The following TOR1B variants were observed in gnomAD, a reference collection of about 807,000 sequenced individuals.
TOR1B encodes torsin family 1 member B.
Under a neutral mutation model 29.2 loss-of-function variants are expected in TOR1B, and 14 were observed. That is an observed-to-expected ratio of 0.48 (90% CI 0.32 to 0.75). The LOEUF (loss-of-function observed/expected upper bound fraction) is 0.75. TOR1B is among the 30% of genes least tolerant of loss of function. The pLI, the probability that TOR1B is intolerant of heterozygous loss-of-function variation, is 0.04. For synonymous variants in TOR1B, 166 were observed against 179.8 expected, an observed-to-expected ratio of 0.92 and a Z score of 0.62; for missense variants, 400 against 433.9, an observed-to-expected ratio of 0.92 and a Z score of 0.69.
chr9:129,808,815 G>A, intron 3 of TOR1B, 90 bp from the exon 4 acceptor site: 2 of 1,534,062 alleles, frequency 1.3e-6, no homozygotes, highest in Admixed American at 1.9e-5. Context: ...GCCTCCCAAA[G>A]TGCTGGGATT....
intron 3 of TOR1B, among the ~76,000 whole-genome samples, chr9:129,808,659 C>G (rs1216458867): frequency 2.0e-5 from 3 of 148,372 alleles, no homozygotes; most frequent in Non-Finnish European, 4.4e-5. Context: ...AAACGATTCT[C>G]CCACCTCAGC....
At chr9:129,808,080 C>T (rs2030609816) in intron 3 of TOR1B, among the ~76,000 whole-genome samples, 1 of 151,974 alleles carries the variant, frequency 6.6e-6, no homozygotes, top group South Asian at 2.1e-4. Context: ...ATTAACTGTG[C>T]ATGTTGGTTT....
At chr9:129,804,008 A>G in intron 1 of TOR1B, 65 bp from the exon 2 acceptor site, 7 of 1,595,210 alleles carry the variant, frequency 4.4e-6, no homozygotes, top group Non-Finnish European at 6.0e-6. Context: ...CAGCTAAGAA[A>G]GTGCTGCGTT....
At chr9:129,808,870 T>A in intron 3 of TOR1B, 35 bp from the exon 4 acceptor site, 1 of 1,611,056 alleles carries the variant, frequency 6.2e-7, no homozygotes, top group Non-Finnish European at 8.5e-7. Context: ...AGTCTTAATA[T>A]GTGATTTTAA....
rs2030786559 is a variant in TOR1B, at chr9:129,810,352, G to GGT, written c.*770_*771insTG. On this transcript the variant is annotated 3_prime_UTR_variant, in exon 5 of 5. Transcript: ENST00000259339. ...GAGCTGACCTGTGTGTGTGTGTGTG[G>GGT]GGGGGTGGGGCCTTCACCTAAGACC... 1.8e-6 allele frequency: 2 copies of GGT among 1,100,414 alleles called. No homozygotes were observed. The highest frequency in any genetic ancestry group is 2.4e-6 in the Non-Finnish European group (2 of 829,876). The allele number at this position is 1,100,414 out of a possible 1,614,324, so 68.2% of individuals were successfully genotyped here. A position where few individuals can be genotyped will look rare whatever the true frequency, so the allele number is the denominator to read the frequency against.
At chr9:129,805,628 G>A (rs897530264) in intron 2 of TOR1B, among the ~76,000 whole-genome samples, 3 of 152,188 alleles carry the variant, frequency 2.0e-5, no homozygotes, top group African/African-American at 7.2e-5. Context: ...CAGTCTTCAA[G>A]GATTTGCTCC....
Position 129,809,992 on chromosome 9 carries a change from T to C in TOR1B, c.*409T>C. The C allele has an allele frequency of 8.5e-7, 1 of 1,180,480 alleles. No homozygotes were observed. The highest frequency in any genetic ancestry group is 1.1e-6 in the Non-Finnish European group (1 of 934,640). The allele number at this position is 1,180,480 out of a possible 1,614,324, so 73.1% of individuals were successfully genotyped here. A position where few individuals can be genotyped will look rare whatever the true frequency, so the allele number is the denominator to read the frequency against. On this transcript the variant is annotated 3_prime_UTR_variant, in exon 5 of 5. Coordinates refer to ENST00000259339, the MANE Select transcript of TOR1B (RefSeq NM_014506.3). The stretch of plus-strand genomic sequence containing the variant: ...GGAGATGAACTTTTAAAAATCCCCT[T>C]CACACTTAATGTACTGACCGAGACA...
At chr9:129,808,806 C>G in intron 3 of TOR1B, 99 bp from the exon 4 acceptor site, 1 of 1,477,948 alleles carries the variant, frequency 6.8e-7, no homozygotes, top group Admixed American at 1.9e-5. Context: ...CCTGCCTCGG[C>G]CTCCCAAAGT....
intron 1 of TOR1B, 57 bp from the exon 2 acceptor site, chr9:129,804,016 G>T: frequency 5.0e-6 from 8 of 1,601,742 alleles, no homozygotes; most frequent in African/African-American, 1.3e-5. Context: ...AAAGTGCTGC[G>T]TTGCTGATGC....
In TOR1B at chr9:129,809,394, C is replaced by T; in HGVS notation, c.822C>T (p.Ile274=). Residue 274 remains isoleucine (I), a synonymous_variant, in exon 5 of 5, where the codon ATC becomes ATT. Coordinates refer to ENST00000259339, the MANE Select transcript of TOR1B (RefSeq NM_014506.3). ...LIDKNLIDYF[I]PFLPLEYRHV... is the part of the protein sequence containing the mutation. ...ACAAAAACCTCATTGATTACTTTAT[C>T]CCCTTCCTGCCTTTGGAGTACAGAC... 1 of 1,614,196 alleles carries T rather than the reference C, an allele frequency of 6.2e-7. No individual in the cohort carries two copies. Among genetic ancestry groups the T allele is most frequent in the Non-Finnish European group, 8.5e-7 (1 of 1,180,038 alleles).
rs2030794188 is a variant in TOR1B at position 129,810,392 on chromosome 9, GGACA to G, written c.*815_*818del. The stretch of plus-strand genomic sequence containing the variant: ...CACCTAAGACCTCTGCAGCAGACCT[GGACA>G]GACAGGCCCCTCCCGCCTGTCCATC... On this transcript the variant is annotated 3_prime_UTR_variant, in exon 5 of 5. Coordinates refer to ENST00000259339, the MANE Select transcript of TOR1B (RefSeq NM_014506.3). The G allele has an allele frequency of 1.6e-6, 2 of 1,228,938 alleles. No homozygotes were observed. The highest frequency in any genetic ancestry group is 2.4e-5 in the Admixed American group (1 of 40,966). The allele number at this position is 1,228,938 out of a possible 1,614,324, so 76.1% of individuals were successfully genotyped here. A position where few individuals can be genotyped will look rare whatever the true frequency, so the allele number is the denominator to read the frequency against.
chr9:129,811,192 T>A lies in TOR1B; in HGVS notation c.*1609T>A, dbSNP rs376867658. On this transcript the variant is annotated 3_prime_UTR_variant, in exon 5 of 5. Coordinates refer to ENST00000259339, the MANE Select transcript of TOR1B (RefSeq NM_014506.3). ...ATATCCTCAAATTGGAGCTAAGTTA[T>A]ACTTCTTTTATAACCTTTTGGGCAT... is the stretch of plus-strand genomic sequence containing the variant. 1.3e-5 allele frequency: 2 copies of A among 152,208 alleles called. No homozygotes were observed. The highest frequency in any genetic ancestry group is 4.8e-5 in the African/African-American group (2 of 41,448). 9.4% of individuals were successfully genotyped at this position (152,208 alleles called of 1,614,324 possible).
At chr9:129,807,845 C>CAA (rs34329009) in intron 3 of TOR1B, among the ~76,000 whole-genome samples, 1,619 of 103,318 alleles carry the variant, frequency 0.016, 10 homozygotes, top group East Asian at 0.025. Flanking sequence ...GACTCTGTCT[C>CAA]AAAAAAAAAA....
Position 129,810,407 on chromosome 9 carries a change from T to C in TOR1B, c.*824T>C, listed in dbSNP as rs952893657. 2 of 1,211,146 alleles carry C rather than the reference T, an allele frequency of 1.7e-6. No individual in the cohort carries two copies. The highest frequency in any genetic ancestry group is 2.1e-6 in the Non-Finnish European group (2 of 943,922). The allele number at this position is 1,211,146 out of a possible 1,614,324, so 75.0% of individuals were successfully genotyped here. ...CAGCAGACCTGGACAGACAGGCCCC[T>C]CCCGCCTGTCCATCGCTCTAGCTGC... On this transcript the variant is annotated 3_prime_UTR_variant, in exon 5 of 5. Transcript: ENST00000259339.
chr9:129,808,033 C>T (rs967838839), intron 3 of TOR1B, among the ~76,000 whole-genome samples: 2 of 151,410 alleles, frequency 1.3e-5, no homozygotes, highest in African/African-American at 4.9e-5. Flanking sequence ...AAGACCCCGA[C>T]CCTAAAAATG....
In TOR1B at chr9:129,810,485, A is replaced by C; in HGVS notation, c.*902A>C. 1 of 1,126,816 alleles carries C rather than the reference A, an allele frequency of 8.9e-7. No homozygotes were observed. The highest frequency in any genetic ancestry group is 6.1e-5 in the East Asian group (1 of 16,508). 69.8% of individuals were successfully genotyped at this position (1,126,816 alleles called of 1,614,324 possible). ...CACCGTCTCAGCTGGTATCAGCCCC[A>C]GCCTGCCTTGTGCCATATCTCAGCT... On this transcript the variant is annotated 3_prime_UTR_variant, in exon 5 of 5. Coordinates refer to ENST00000259339, the MANE Select transcript of TOR1B (RefSeq NM_014506.3).
intron 3 of TOR1B, 100 bp from the exon 4 acceptor site, chr9:129,808,805 G>A: frequency 1.4e-6 from 2 of 1,470,490 alleles, no homozygotes; most frequent in Non-Finnish European, 1.9e-6. Flanking sequence ...ACCTGCCTCG[G>A]CCTCCCAAAG....
chr9:129,809,117 G>T (rs1209974290), intron 4 of TOR1B, 85 bp downstream of exon 4: 2 of 1,533,256 alleles, frequency 1.3e-6, no homozygotes, highest in Non-Finnish European at 1.7e-6. Flanking sequence ...AAAGCCACAG[G>T]ATCCCACTGG....
Position 129,808,930 on chromosome 9 carries a change from A to G in TOR1B, c.667A>G (p.Lys223Glu). ...CAATGCAGGCGGGGACCTTATAACT[A>G]AGACGGCTCTTGACTTTTGGCGGGC... ...LSNAGGDLIT[K>E]TALDFWRAGR... is the part of the protein sequence containing the mutation. Residue 223 changes from lysine to glutamate, a missense_variant, in exon 4 of 5, where the codon AAG becomes GAG. Coordinates refer to ENST00000259339, the MANE Select transcript of TOR1B (RefSeq NM_014506.3). 1 of 1,613,822 alleles carries G rather than the reference A, an allele frequency of 6.2e-7. No homozygotes were observed. Among genetic ancestry groups the G allele is most frequent in the South Asian group, 1.1e-5 (1 of 91,076 alleles).
Sources: allele counts gnomAD v4.1 joint callset (sites outside exome capture counted in the v4.1 genomes callset), GRCh38; gene constraint gnomAD v4.1.1; transcripts MANE v1.5; gene names NCBI Gene and HGNC (gene_info 2026-07-23, HGNC 2026-07-21).